Variants in DLGAP4 observed in about 807,000 individuals in gnomAD.
DLGAP4 encodes the protein DLG associated protein 4, also known as disks large-associated protein 4.
In DLGAP4, 18 loss-of-function variants were observed where a neutral mutation model predicts 86.9. The ratio of observed to expected loss-of-function variants is 0.21; its 90% CI spans 0.14 to 0.31. The LOEUF is 0.31. Among genes scored for constraint, DLGAP4 ranks in the 10% least tolerant of loss-of-function variants. DLGAP4 has a pLI of 1.00. For missense variants in DLGAP4, 1,085 were observed against 1,362.6 expected (o/e 0.80, Z 3.21); for synonymous variants, 548 against 574.3 (o/e 0.95, Z 0.65).
At chr20:36,497,237 G>A (rs532378559) in intron 8 of DLGAP4, 171 bp downstream of exon 8, 4 of 985,262 alleles carry the variant, frequency 4.1e-6, no homozygotes, top group Non-Finnish European at 4.8e-6. Context: ...GCCACGCCTC[G>A]CTGGTATCTG....
intron 7 of DLGAP4, among the ~76,000 whole-genome samples, chr20:36,449,079 T>A (rs1352441684): frequency 6.6e-6 from 1 of 152,204 alleles, no homozygotes; most frequent in East Asian, 1.9e-4. Context: ...GAAGGGATGG[T>A]AGCCAGGGAG....
chr20:36,521,396 CTAAAAAGATAAAG>C (rs1221840804), intron 10 of DLGAP4, among the ~76,000 whole-genome samples: 18 of 152,074 alleles, frequency 1.2e-4, no homozygotes, highest in African/African-American at 4.1e-4. Context: ...ACTTCTGTTT[CTAAAAAGATAAAG>C]TACCCAGGTG....
At chr20:36,374,048 A>AG (rs1354041662) in intron 2 of DLGAP4, among the ~76,000 whole-genome samples, 2 of 151,182 alleles carry the variant, frequency 1.3e-5, no homozygotes, top group Non-Finnish European at 3.0e-5. Flanking sequence ...AAAAAAAAAA[A>AG]AGAAAAAGAA....
intron 7 of DLGAP4, among the ~76,000 whole-genome samples, chr20:36,465,914 C>T (rs994879831): frequency 3.9e-5 from 6 of 152,212 alleles, no homozygotes; most frequent in Non-Finnish European, 8.8e-5. Context: ...GAGGCCCACA[C>T]TGTCAAATGC....
chr20:36,396,604 G>A (rs938326087), intron 2 of DLGAP4, among the ~76,000 whole-genome samples: 35 of 119,438 alleles, frequency 2.9e-4, no homozygotes, highest in South Asian at 2.7e-3. Flanking sequence ...ACACACGCAC[G>A]CATACACACC....
At chr20:36,499,815 C>T in intron 9 of DLGAP4, 139 bp downstream of exon 9, 1 of 754,082 alleles carries the variant, frequency 1.3e-6, no homozygotes, top group Non-Finnish European at 2.2e-6. Context: ...GGTGGTGGCC[C>T]AGGCATGGGA....
intron 2 of DLGAP4, among the ~76,000 whole-genome samples, chr20:36,400,007 C>T (rs1234949629): frequency 6.6e-6 from 1 of 152,202 alleles, no homozygotes; most frequent in Admixed American, 6.5e-5. Flanking sequence ...CAGCTGCGTT[C>T]CATGTGACTT....
At chr20:36,481,172 G>T (rs2035171156) in intron 7 of DLGAP4, among the ~76,000 whole-genome samples, 1 of 152,184 alleles carries the variant, frequency 6.6e-6, no homozygotes, top group African/African-American at 2.4e-5. Context: ...TCCTGCCTGT[G>T]TCTAGCCTGG....
In DLGAP4 at chr20:36,327,997, G is replaced by A. The variant is rs1423334506; in HGVS notation, c.-304+21485G>A. On this transcript the variant is annotated intron_variant, in intron 1 of 12. Transcript: ENST00000339266. ...GTGGATTGTTTGAGGTCAGAGGTTC[G>A]AGACCAGCCTGGCCAACGTGGTGAA... Among the ~76,000 whole-genome samples, 6 of 151,362 alleles carry A rather than the reference G, an allele frequency of 4.0e-5. No individual in the cohort carries two copies. In the South Asian group the frequency reaches 8.3e-4, roughly 21 times the overall value.
Position 36,525,953 on chromosome 20 carries a change from TACC to T in DLGAP4, c.2711_2713del (p.His904del). ...TATCAGCATGAAGTTCGATGAACTC[TACC>T]ACCTCAAGGCCAACAGCTGGCAGCT... On this transcript the variant is annotated inframe_deletion, in exon 12 of 13. Coordinates refer to ENST00000339266, the MANE Select transcript of DLGAP4 (RefSeq NM_001365621.2). The T allele has an allele frequency of 6.2e-7, 1 of 1,613,940 alleles. No homozygotes were observed. Among genetic ancestry groups the T allele is most frequent in the Non-Finnish European group, 8.5e-7 (1 of 1,179,970 alleles).
At chr20:36,421,329 G>A (rs1434661359) in intron 2 of DLGAP4, among the ~76,000 whole-genome samples, 2 of 150,522 alleles carry the variant, frequency 1.3e-5, no homozygotes, top group Non-Finnish European at 3.0e-5. Flanking sequence ...GTGGTGACGT[G>A]TGCCTTTAAT....
At chr20:36,383,983 C>CAAAA (rs970619133) in intron 2 of DLGAP4, among the ~76,000 whole-genome samples, 1 of 65,002 alleles carries the variant, frequency 1.5e-5, no homozygotes. Context: ...GACTCCGTCT[C>CAAAA]AAAAAAAAAA....
At chr20:36,362,562 A>C (rs1212502147) in intron 1 of DLGAP4, among the ~76,000 whole-genome samples, 1 of 152,202 alleles carries the variant, frequency 6.6e-6, no homozygotes, top group African/African-American at 2.4e-5. Flanking sequence ...GAAGGAGGGA[A>C]AACCCAGAGC....
At chr20:36,517,712 A>G (rs966001070) in intron 10 of DLGAP4, among the ~76,000 whole-genome samples, 5 of 152,116 alleles carry the variant, frequency 3.3e-5, no homozygotes, top group Non-Finnish European at 7.3e-5. Context: ...TCAATGTTGA[A>G]TCAGTCTTGC....
intron 7 of DLGAP4, among the ~76,000 whole-genome samples, chr20:36,494,964 TG>T (rs1169269170): frequency 7.0e-6 from 1 of 142,456 alleles, no homozygotes; most frequent in African/African-American, 2.6e-5. Context: ...AGTAAAAAAG[TG>T]GTTTTTTTTT....
At chr20:36,361,978 CAAAAAA>C (rs545997891) in intron 1 of DLGAP4, among the ~76,000 whole-genome samples, 2 of 48,408 alleles carry the variant, frequency 4.1e-5, no homozygotes, top group African/African-American at 7.2e-5. Flanking sequence ...GATTCTGTCT[CAAAAAA>C]AAAAAAAAAA....
intron 1 of DLGAP4, among the ~76,000 whole-genome samples, chr20:36,352,429 G>A (rs1330035123): frequency 2.7e-5 from 4 of 148,702 alleles, no homozygotes; most frequent in African/African-American, 9.9e-5. Flanking sequence ...GGGGAGAGGT[G>A]ACCGTGGCTG....
At chr20:36,309,018 C>A (rs1369160329) in intron 1 of DLGAP4, among the ~76,000 whole-genome samples, 3 of 151,406 alleles carry the variant, frequency 2.0e-5, no homozygotes, top group Non-Finnish European at 4.4e-5. Context: ...CTCTTTGGCT[C>A]GGGTCCCCCT....
intron 1 of DLGAP4, among the ~76,000 whole-genome samples, chr20:36,317,459 C>A (rs2065120516): frequency 4.4e-5 from 1 of 22,952 alleles, no homozygotes; most frequent in East Asian, 1.3e-3. Flanking sequence ...TTTTCCTTCT[C>A]TTTCTTTTTT....
Sources: allele counts gnomAD v4.1 joint callset (sites outside exome capture counted in the v4.1 genomes callset), GRCh38; gene constraint gnomAD v4.1.1; transcripts MANE v1.5; gene names NCBI Gene and HGNC (gene_info 2026-07-23, HGNC 2026-07-21).